The following ZNF317 variants were observed in gnomAD, a reference collection of about 807,000 sequenced individuals.
The protein encoded by ZNF317 is zinc finger protein 317.
ZNF317 carries 17 observed loss-of-function variants against 23.4 expected under a neutral mutation model. The observed-to-expected ratio is 0.73, with a 90% confidence interval of 0.50 to 1.09. The LOEUF is 1.09. Ranked by LOEUF, ZNF317 falls within the 50% of genes least tolerant of loss-of-function variation. ZNF317 has a pLI of 0.00. For missense variants in ZNF317, 679 were observed against 796.7 expected (o/e 0.85, Z 1.78); for synonymous variants, 317 against 314.9 (o/e 1.01, Z -0.07).
At position 9,162,328 on chromosome 19, in the gene ZNF317, T is replaced by G. The variant is rs2050867712; in HGVS notation, c.*895T>G. 1 of 152,124 alleles carries G rather than the reference T, an allele frequency of 6.6e-6. No homozygotes were observed. The highest frequency in any genetic ancestry group is 2.1e-4 in the South Asian group (1 of 4,820). The allele number at this position is 152,124 out of a possible 1,614,324, so 9.4% of individuals were successfully genotyped here. A position where few individuals can be genotyped will look rare whatever the true frequency, so the allele number is the denominator to read the frequency against. ...GAGGTTGAAAATAATCATGCAGTCATTCCTCAATTACTGCCTGCAGCAATT... is the reference window on the plus strand; with the variant it reads ...GAGGTTGAAAATAATCATGCAGTCAGTCCTCAATTACTGCCTGCAGCAATT... On this transcript the variant is annotated 3_prime_UTR_variant, in exon 7 of 7. Coordinates refer to ENST00000247956, the MANE Select transcript of ZNF317 (RefSeq NM_020933.5).
At chr19:9,157,537 C>T in intron 4 of ZNF317, 143 bp downstream of exon 4, 3 of 1,073,848 alleles carry the variant, frequency 2.8e-6, no homozygotes, top group Non-Finnish European at 4.0e-6. Context: ...AATGGGGCCT[C>T]TCCTGGGTAT....
At chr19:9,157,692 T>TAA in intron 4 of ZNF317, 1 of 507,686 alleles carries the variant, frequency 2.0e-6, no homozygotes, top group Non-Finnish European at 2.9e-6. Flanking sequence ...TTTTTTTTTT[T>TAA]TTTTTTTTTT....
rs1172233295 is a variant in ZNF317, at chr19:9,162,236, A to G, written c.*803A>G. ...ATAAGAAGACATCAGAGATGCTGCT[A>G]AGTCGGCTCCAGCACACAGGAGCCC... is the stretch of plus-strand genomic sequence containing the variant. On this transcript the variant is annotated 3_prime_UTR_variant, in exon 7 of 7. Coordinates refer to ENST00000247956, the MANE Select transcript of ZNF317 (RefSeq NM_020933.5). 6.6e-6 allele frequency: 1 copy of G among 152,124 alleles called. No individual in the cohort carries two copies. Among genetic ancestry groups the G allele is most frequent in the East Asian group, 1.9e-4 (1 of 5,180 alleles). 9.4% of individuals were successfully genotyped at this position (152,124 alleles called of 1,614,324 possible).
intron 1 of ZNF317, among the ~76,000 whole-genome samples, chr19:9,143,632 G>GTGATTGGATTTTATAGTTAGGAAA (rs762781253): frequency 6.6e-6 from 1 of 151,514 alleles, no homozygotes; most frequent in African/African-American, 2.4e-5. Context: ...GGCCCCATGA[G>GTGATTGGATTTTATAGTTAGGAAA]TGCTGTCTCA....
At position 9,161,475 on chromosome 19, in the gene ZNF317, C is replaced by A; in HGVS notation, c.*42C>A. On this transcript the variant is annotated 3_prime_UTR_variant, in exon 7 of 7. Transcript: ENST00000247956. The surrounding 1 kb of genome is among the most constrained non-coding windows in gnomAD (Gnocchi z 4.0). Reference sequence around the variant, plus strand: ...GACACAGGATGATTCAGACCGGAAACAGACCTCGTGGGTGTAAGAGGAAGC... The same window carrying A: ...GACACAGGATGATTCAGACCGGAAAAAGACCTCGTGGGTGTAAGAGGAAGC... 1 of 1,569,562 alleles carries A rather than the reference C, an allele frequency of 6.4e-7. No homozygotes were observed. Among genetic ancestry groups the A allele is most frequent in the Non-Finnish European group, 8.7e-7 (1 of 1,154,688 alleles).
rs779068497 is a variant in ZNF317 at position 9,160,501 on chromosome 19, G to A, written c.856G>A (p.Ala286Thr). 22 of 1,614,062 alleles carry A rather than the reference G, an allele frequency of 1.4e-5. No individual in the cohort carries two copies. Among genetic ancestry groups the A allele is most frequent in the Non-Finnish European group, 1.8e-5 (21 of 1,180,052 alleles). Reference sequence around the variant, plus strand: ...CTTTGACTGCAGTCAGTGTGGAAATGCATTCCGGACCCTCTCGGCCCTGAA... The same window carrying A: ...CTTTGACTGCAGTCAGTGTGGAAATACATTCCGGACCCTCTCGGCCCTGAA... ...KPFDCSQCGN[A>T]FRTLSALKIH... The change falls in exon 7 of 7, where the codon GCA (alanine) becomes ACA (threonine). Residue 286 changes from alanine to threonine, a missense_variant. By Grantham distance (58) the Ala-to-Thr change is moderately conservative. Coordinates refer to ENST00000247956, the MANE Select transcript of ZNF317 (RefSeq NM_020933.5). The surrounding 1 kb of genome is among the most constrained non-coding windows in gnomAD (Gnocchi z 6.8).
rs1316294074 is a variant in ZNF317, at chr19:9,140,567, G to A, written c.-118G>A. 2.2e-6 allele frequency: 1 copy of A among 456,450 alleles called. No individual in the cohort carries two copies. Among genetic ancestry groups the A allele is most frequent in the Non-Finnish European group, 4.4e-6 (1 of 226,852 alleles). 28.3% of individuals were successfully genotyped at this position (456,450 alleles called of 1,614,324 possible). A position where few individuals can be genotyped will look rare whatever the true frequency, so the allele number is the denominator to read the frequency against. On this transcript the variant is annotated 5_prime_UTR_variant, in exon 1 of 7. Coordinates refer to ENST00000247956, the MANE Select transcript of ZNF317 (RefSeq NM_020933.5). ...ATCGGCGGCGGCTTCCGTCACCTCC[G>A]CTCCCCCGATCCTATTCCCAGTCGT...
chr19:9,148,322 T>G (rs2050706180), intron 1 of ZNF317, among the ~76,000 whole-genome samples: 1 of 152,312 alleles, frequency 6.6e-6, no homozygotes, highest in African/African-American at 2.4e-5. Context: ...GAGCTCTGGT[T>G]TGCATCGTTG....
rs760315528 is a variant in ZNF317, at chr19:9,161,231, C to T, written c.1586C>T (p.Pro529Leu). ...ATGCGAAGCCACACGGGGGAGAAAC[C>T]GTACGAATGCGATCACTGTGGGAAG... The part of the protein sequence containing the change: ...THMRSHTGEK[P>L]YECDHCGKAF... Residue 529 changes from proline (P) to leucine (L), a missense_variant, in exon 7 of 7, where the codon CCG becomes CTG. Coordinates refer to ENST00000247956, the MANE Select transcript of ZNF317 (RefSeq NM_020933.5). This position sits in a 1 kb window ranked among gnomAD's most constrained non-coding sequence, Gnocchi z 4.0. The T allele has an allele frequency of 6.8e-6, 11 of 1,614,166 alleles. No individual in the cohort carries two copies. Among genetic ancestry groups the T allele is most frequent in the Non-Finnish European group, 9.3e-6 (11 of 1,180,020 alleles).
In ZNF317 at chr19:9,156,988, G is replaced by T. The variant is rs184311015; in HGVS notation, c.162+240G>T. On this transcript the variant is annotated intron_variant, in intron 3 of 6. Transcript: ENST00000247956. The stretch of plus-strand genomic sequence containing the variant: ...CAGGCCCTTGCTCAGCCCCAGAGAC[G>T]GGGGGAAATAAAGGGCAAAGCTCTC... 167 of 638,494 alleles carry T rather than the reference G, an allele frequency of 2.6e-4. No homozygotes were observed. The East Asian group carries it at 3.7e-3, about 14-fold the overall frequency. The allele number at this position is 638,494 out of a possible 1,614,324, so 39.6% of individuals were successfully genotyped here. A position where few individuals can be genotyped will look rare whatever the true frequency, so the allele number is the denominator to read the frequency against.
chr19:9,148,740 A>G (rs17304527), intron 1 of ZNF317, among the ~76,000 whole-genome samples: 10,140 of 152,280 alleles, frequency 0.067, 353 homozygotes, highest in Middle Eastern at 0.13. Context: ...AGTTGGGCAT[A>G]CAGGAAATCA....
rs1037580260 is a variant in ZNF317, at chr19:9,162,627, A to G, written c.*1194A>G. 2 of 151,612 alleles carry G rather than the reference A, an allele frequency of 1.3e-5. No individual in the cohort carries two copies. Among genetic ancestry groups the G allele is most frequent in the African/African-American group, 4.8e-5 (2 of 41,238 alleles). The allele number at this position is 151,612 out of a possible 1,614,324, so 9.4% of individuals were successfully genotyped here. On this transcript the variant is annotated 3_prime_UTR_variant, in exon 7 of 7. Coordinates refer to ENST00000247956, the MANE Select transcript of ZNF317 (RefSeq NM_020933.5). ...AATACGGGACTGCACGTACTCTCTC[A>G]TCATGAAAACAGAGCCCCGTTCATA...
rs1415604715 is a variant in ZNF317, at chr19:9,158,872, T to C, written c.432T>C (p.Asp144=). ...CCAAGTGGTCACTTCTTATGGAAGA[T>C]ATTTTTGGGAAGGAAACGCCCAGTG... ...SKTKWSLLME[D]IFGKETPSGV... is the part of the protein sequence containing the mutation. The change falls in exon 6 of 7, where the codon GAT becomes GAC. Residue 144 remains aspartate (D), a synonymous_variant. Transcript: ENST00000247956. The C allele has an allele frequency of 6.2e-7, 1 of 1,613,164 alleles. No homozygotes were observed. The highest frequency in any genetic ancestry group is 1.1e-5 in the South Asian group (1 of 91,068).
chr19:9,159,023 T>G (rs2050818934), intron 6 of ZNF317, 115 bp downstream of exon 6: 13 of 704,702 alleles, frequency 1.8e-5, no homozygotes, highest in Non-Finnish European at 3.2e-5. Flanking sequence ...CAGAGGAGAC[T>G]GTGTTTCAGA....
At chr19:9,146,825 T>C (rs1468167528) in intron 1 of ZNF317, among the ~76,000 whole-genome samples, 2 of 152,166 alleles carry the variant, frequency 1.3e-5, no homozygotes, top group African/African-American at 4.8e-5. Flanking sequence ...TCTACAGTAT[T>C]TACATCTGCA....
rs373839989 is a variant in ZNF317 at position 9,160,293 on chromosome 19, C to G, written c.648C>G (p.Tyr216Ter). 3 of 1,614,144 alleles carry G rather than the reference C, an allele frequency of 1.9e-6. No homozygotes were observed. The highest frequency in any genetic ancestry group is 1.1e-5 in the South Asian group (1 of 91,076). ...ACCTCACTCAGCACATGAGCATGTACGACGGGAGAAAAATGCATGAATGTC... is the reference window on the plus strand; with the variant it reads ...ACCTCACTCAGCACATGAGCATGTAGGACGGGAGAAAAATGCATGAATGTC... ...RPHLTQHMSM[Y>*]DGRKMHECHQ... Residue 216 changes from tyrosine (Y) to a stop codon, truncating the protein, a stop_gained, in exon 7 of 7, where the codon TAC becomes TAG. Coordinates refer to ENST00000247956, the MANE Select transcript of ZNF317 (RefSeq NM_020933.5). LOFTEE classifies it low-confidence loss of function (END_TRUNC). The surrounding 1 kb of genome is among the most constrained non-coding windows in gnomAD (Gnocchi z 6.8).
At chr19:9,143,160 G>A (rs2050649830) in intron 1 of ZNF317, among the ~76,000 whole-genome samples, 1 of 152,074 alleles carries the variant, frequency 6.6e-6, no homozygotes, top group South Asian at 2.1e-4. Flanking sequence ...GGTTTAAATC[G>A]TATAGTCAGG....
Position 9,154,683 on chromosome 19 carries a change from T to G in ZNF317, c.-92-1242T>G, listed in dbSNP as rs569467399. ...AGGAATCAGACTACTACAGACATTTTTGTACGAGTCTTTGTGGATATAAAT... is the reference window on the plus strand; with the variant it reads ...AGGAATCAGACTACTACAGACATTTGTGTACGAGTCTTTGTGGATATAAAT... On this transcript the variant is annotated intron_variant, in intron 1 of 6. Coordinates refer to ENST00000247956, the MANE Select transcript of ZNF317 (RefSeq NM_020933.5). Among the ~76,000 whole-genome samples, 34 of 152,360 alleles carry G rather than the reference T, an allele frequency of 2.2e-4. No homozygotes were observed. In the South Asian group the frequency reaches 6.8e-3, roughly 31 times the overall value.
At chr19:9,144,449 G>GT (rs1301285469) in intron 1 of ZNF317, among the ~76,000 whole-genome samples, 2 of 151,780 alleles carry the variant, frequency 1.3e-5, no homozygotes, top group Non-Finnish European at 2.9e-5. Context: ...TTTGTCTTCT[G>GT]TTTTTTCTCT....
Sources: allele counts gnomAD v4.1 joint callset (sites outside exome capture counted in the v4.1 genomes callset), GRCh38; gene constraint gnomAD v4.1.1; non-coding constraint Gnocchi (gnomAD v3.1); transcripts MANE v1.5; gene names NCBI Gene and HGNC (gene_info 2026-07-23, HGNC 2026-07-21).